ABCC6: variants seen among roughly 807,000 people sequenced by gnomAD.
The protein encoded by ABCC6 is ATP-binding cassette sub-family C member 6.
ABCC6 carries 126 observed loss-of-function variants against 169.5 expected under a neutral mutation model. The ratio of observed to expected loss-of-function variants is 0.74; its 90% confidence interval spans 0.64 to 0.86. The LOEUF is 0.86. Among genes scored for constraint, ABCC6 ranks in the 40% least tolerant of loss-of-function variants. The probability of loss-of-function intolerance (pLI) is 0.00; values close to 1 mark genes in which losing one functional copy is unlikely to be tolerated. For synonymous variants in ABCC6, 752 were observed against 814.7 expected (o/e 0.92, Z 1.31); for missense variants, 1,733 against 1,927.2 (o/e 0.90, Z 1.89).
At chr16:16,184,854 C>G in intron 15 of ABCC6, 105 bp downstream of exon 15, 1 of 1,285,100 alleles carries the variant, frequency 7.8e-7, no homozygotes, top group Non-Finnish European at 1.1e-6. Context: ...ACCCTCCAGT[C>G]CCAGGCTGGA....
In ABCC6 at chr16:16,182,548, T is replaced by C. The variant is rs1272334631; in HGVS notation, c.2111A>G (p.Asn704Ser). 1 of 1,613,632 alleles carries C rather than the reference T, an allele frequency of 6.2e-7. No homozygotes were observed. Among genetic ancestry groups the C allele is most frequent in the Admixed American group, 1.7e-5 (1 of 60,018 alleles). ...GCACACATTCTCTACCACAGAGGTG[T>C]TCTGCACCCAGGCCTCCTGGGGCAC... is the stretch of plus-strand genomic sequence containing the variant. ...AYVPQEAWVQ[N>S]TSVVENVCFG... The change falls in exon 17 of 31, where the codon AAC becomes AGC. Residue 704 changes from asparagine to serine, a missense_variant. Transcript: ENST00000205557.
At chr16:16,150,826 T>C in intron 29 of ABCC6, 54 bp from the exon 30 acceptor site, 1 of 1,588,838 alleles carries the variant, frequency 6.3e-7, no homozygotes, top group Non-Finnish European at 8.6e-7. Flanking sequence ...CACATGGTGA[T>C]GTGTGGGTGT....
At position 16,197,947 on chromosome 16, in the gene ABCC6, G is replaced by A; in HGVS notation, c.1338+74C>T. ...GCTAAGTCAGGAGGAGGAAGGGTGGGAGGGGGAAGGAGGAGGGGGAGAAGG... is the reference window on the plus strand; with the variant it reads ...GCTAAGTCAGGAGGAGGAAGGGTGGAAGGGGGAAGGAGGAGGGGGAGAAGG... On this transcript the variant is annotated intron_variant, in intron 10 of 30. Coordinates refer to ENST00000205557, the MANE Select transcript of ABCC6 (RefSeq NM_001171.6). 3 of 1,476,524 alleles carry A rather than the reference G, an allele frequency of 2.0e-6. No homozygotes were observed. In the South Asian group the frequency reaches 3.6e-5, roughly 18 times the overall value. The allele number at this position is 1,476,524 out of a possible 1,614,324, so 91.5% of individuals were successfully genotyped here.
rs1366920110 is a variant in ABCC6 at position 16,169,731 on chromosome 16, C to G, written c.2910G>C (p.Leu970=). The G allele has an allele frequency of 6.2e-7, 1 of 1,609,128 alleles. No homozygotes were observed. The highest frequency in any genetic ancestry group is 8.5e-7 in the Non-Finnish European group (1 of 1,178,458). The change falls in exon 22 of 31, where the codon CTG becomes CTC. Residue 970 remains leucine (L), a synonymous_variant. Coordinates refer to ENST00000205557, the MANE Select transcript of ABCC6 (RefSeq NM_001171.6). ...ASFCRGYWLS[L]WADDPAVGGQ... ...CACCTACTGCAGGGTCGTCCGCCCACAGGCTCAGCCAGTAGCCCCGGCAGA... is the reference window on the plus strand; with the variant it reads ...CACCTACTGCAGGGTCGTCCGCCCAGAGGCTCAGCCAGTAGCCCCGGCAGA...
rs536093829 is a variant in ABCC6, at chr16:16,161,696, C to T, written c.3507-132G>A. 2.4e-6 allele frequency: 3 copies of T among 1,238,302 alleles called. No homozygotes were observed. In the South Asian group the frequency reaches 3.8e-5, roughly 16 times the overall value. The allele number at this position is 1,238,302 out of a possible 1,614,324, so 76.7% of individuals were successfully genotyped here. A position where few individuals can be genotyped will look rare whatever the true frequency, so the allele number is the denominator to read the frequency against. ...CCCAGCAATGGCCTCCACATGCAACCCAGGCTCAGGGAGTAGAGGAAGATG... is the reference window on the plus strand; with the variant it reads ...CCCAGCAATGGCCTCCACATGCAACTCAGGCTCAGGGAGTAGAGGAAGATG... On this transcript the variant is annotated intron_variant, in intron 24 of 30. Coordinates refer to ENST00000205557, the MANE Select transcript of ABCC6 (RefSeq NM_001171.6).
In ABCC6 at chr16:16,150,076, T is replaced by G; in HGVS notation, c.*57A>C. On this transcript the variant is annotated 3_prime_UTR_variant, in exon 31 of 31. Transcript: ENST00000205557. ...TCGATGACCACGGGTCACTTCCATC[T>G]CCAGCACTGCAGGCTGTGCGGGCTG... 1 of 1,605,928 alleles carries G rather than the reference T, an allele frequency of 6.2e-7. No individual in the cohort carries two copies. The highest frequency in any genetic ancestry group is 8.5e-7 in the Non-Finnish European group (1 of 1,177,042).
At position 16,155,007 on chromosome 16, in the gene ABCC6, C is replaced by G. The variant is rs63750410; in HGVS notation, c.3907G>C (p.Ala1303Pro). The change falls in exon 28 of 31, where the codon GCA (alanine) becomes CCA (proline). Residue 1303 changes from alanine (A) to proline (P), a missense_variant. This residue lies in a region of ABCC6 where 1,601 missense variants were observed against 1,635.5 expected (regional missense o/e 0.98). Coordinates refer to ENST00000205557, the MANE Select transcript of ABCC6 (RefSeq NM_001171.6). Reference sequence around the variant, plus strand: ...CCACTGGCCAGGGAGGACTTCCCTGCCCCGGTCCTGCCAACGATGCCCACC... The same window carrying G: ...CCACTGGCCAGGGAGGACTTCCCTGGCCCGGTCCTGCCAACGATGCCCACC... ...EKVGIVGRTG[A>P]GKSSLASGLL... 1.9e-5 allele frequency: 30 copies of G among 1,562,484 alleles called. No homozygotes were observed. The highest frequency in any genetic ancestry group is 2.5e-5 in the Non-Finnish European group (29 of 1,154,100).
chr16:16,217,496 G>T (rs1183338760), intron 4 of ABCC6, among the ~76,000 whole-genome samples: 1 of 152,118 alleles, frequency 6.6e-6, no homozygotes, highest in Non-Finnish European at 1.5e-5. Flanking sequence ...GATCGCTTGA[G>T]CCCAGGAGTT....
rs745761393 is a variant in ABCC6, at chr16:16,150,169, C to G, written c.4476G>C (p.Leu1492=). 3.7e-6 allele frequency: 6 copies of G among 1,613,284 alleles called. No homozygotes were observed. Among genetic ancestry groups the G allele is most frequent in the Non-Finnish European group, 5.1e-6 (6 of 1,180,042 alleles). ...SPAQLLAQKG[L]FYRLAQESGL... ...CTGACTCCTGGGCCAGTCTGTAAAACAGGCCCTTCTGGGCCAGCAGCTGGG... is the reference window on the plus strand; with the variant it reads ...CTGACTCCTGGGCCAGTCTGTAAAAGAGGCCCTTCTGGGCCAGCAGCTGGG... Residue 1492 remains leucine (L), a synonymous_variant, in exon 31 of 31, where the codon CTG becomes CTC. Coordinates refer to ENST00000205557, the MANE Select transcript of ABCC6 (RefSeq NM_001171.6).
chr16:16,173,851 G>A (rs1018656366), intron 20 of ABCC6, among the ~76,000 whole-genome samples: 3 of 151,926 alleles, frequency 2.0e-5, no homozygotes, highest in Non-Finnish European at 4.4e-5. Context: ...TTTTATTTTG[G>A]CTTAAGCTTT....
chr16:16,177,423 C>T (rs1596645356), intron 19 of ABCC6, 29 bp downstream of exon 19: 5 of 1,613,706 alleles, frequency 3.1e-6, no homozygotes, highest in Non-Finnish European at 4.2e-6. Context: ...GGAGCCAGGC[C>T]TGGAGAATCA....
At chr16:16,222,380 A>G (rs1187171678) in intron 1 of ABCC6, among the ~76,000 whole-genome samples, 1 of 151,940 alleles carries the variant, frequency 6.6e-6, no homozygotes, top group African/African-American at 2.4e-5. Context: ...ATTTTTTATT[A>G]TTAATTAATT....
intron 10 of ABCC6, among the ~76,000 whole-genome samples, chr16:16,194,119 A>G (rs191945343): frequency 5.9e-5 from 9 of 152,362 alleles, no homozygotes; most frequent in South Asian, 4.1e-4. Context: ...ACCTGGTTCA[A>G]ATCCTGACCC....
chr16:16,208,770 C>T lies in ABCC6; in HGVS notation c.752G>A (p.Arg251Gln), dbSNP rs548741161. ...GTTCCTCATCCACTCCTTTTCAAGCCGGGAAACAAGTTCTTCTGAGGAGTT... is the reference window on the plus strand; with the variant it reads ...GTTCCTCATCCACTCCTTTTCAAGCTGGGAAACAAGTTCTTCTGAGGAGTT... ...RENSSEELVS[R>Q]LEKEWMRNRS... The change falls in exon 7 of 31, where the codon CGG becomes CAG. Residue 251 changes from arginine to glutamine, a missense_variant. This residue lies in a region of ABCC6 where 1,601 missense variants were observed against 1,635.5 expected (regional missense o/e 0.98). Coordinates refer to ENST00000205557, the MANE Select transcript of ABCC6 (RefSeq NM_001171.6). The T allele has an allele frequency of 8.6e-5, 138 of 1,613,546 alleles. 1 individual carries two copies. The South Asian group carries it at 1.2e-3, about 14-fold the overall frequency.
At chr16:16,160,577 T>C in intron 25 of ABCC6, among the ~76,000 whole-genome samples, 1 of 131,238 alleles carries the variant, frequency 7.6e-6, no homozygotes, top group African/African-American at 2.9e-5. Context: ...GCAGACCACT[T>C]GAACCTAGAG....
intron 10 of ABCC6, among the ~76,000 whole-genome samples, chr16:16,195,312 T>TC (rs1451602446): frequency 6.9e-6 from 1 of 144,236 alleles, no homozygotes; most frequent in Non-Finnish European, 1.5e-5. Flanking sequence ...AATTTTTTTT[T>TC]TTTTTTTTTT....
At position 16,165,635 on chromosome 16, in the gene ABCC6, G is replaced by A. The variant is rs371889155; in HGVS notation, c.3294C>T (p.Tyr1098=). ...GACCTCTCCGTACCTGAAACCCAGC[G>A]TAGAGGAGAAACAGTGGCAGGATGG... ...TVAILPLFLL[Y]AGFQSLYVVS... The change falls in exon 23 of 31, where the codon TAC becomes TAT. Residue 1098 remains tyrosine (Y), a synonymous_variant. Transcript: ENST00000205557. The A allele has an allele frequency of 4.4e-5, 71 of 1,613,048 alleles. No individual in the cohort carries two copies. The highest frequency in any genetic ancestry group is 1.1e-4 in the East Asian group (5 of 44,878).
chr16:16,210,429 G>A (rs2048567244), intron 6 of ABCC6, among the ~76,000 whole-genome samples: 1 of 152,148 alleles, frequency 6.6e-6, no homozygotes, highest in South Asian at 2.1e-4. Flanking sequence ...GAGCCACTGC[G>A]CCAGGCCACC....
intron 7 of ABCC6, among the ~76,000 whole-genome samples, chr16:16,208,487 C>G (rs1003086040): frequency 1.3e-4 from 20 of 152,170 alleles, no homozygotes; most frequent in Middle Eastern, 3.4e-3. Flanking sequence ...ATTCTCCTGC[C>G]TCAAGCCTCC....
Sources: gnomAD v4.1 joint callset for allele counts (sites outside exome capture counted in the v4.1 genomes callset) on GRCh38, gnomAD v4.1.1 for gene constraint, gnomAD v4.1.1 regional missense constraint, MANE v1.5 for transcripts, NCBI Gene and HGNC (gene_info 2026-07-23, HGNC 2026-07-21) for gene names.